Variants in ABCA1 observed in about 807,000 individuals in gnomAD.
The protein encoded by ABCA1 is ATP binding cassette subfamily A member 1.
A neutral mutation model predicts 262.5 loss-of-function variants in ABCA1; 133 were observed. The ratio of observed to expected loss-of-function variants is 0.51; its 90% CI spans 0.44 to 0.59. ABCA1 has a LOEUF of 0.59. ABCA1 is among the 20% of genes least tolerant of loss of function. The probability of loss-of-function intolerance (pLI) is 0.00; values close to 1 mark genes in which losing one functional copy is unlikely to be tolerated. For synonymous variants in ABCA1, 1,022 were observed against 1,043.5 expected, an observed-to-expected ratio of 0.98 and a Z score of 0.40; for missense variants, 2,452 against 2,777.5, an observed-to-expected ratio of 0.88 and a Z score of 2.63.
chr9:104,900,297 G>A lies in ABCA1; in HGVS notation c.66+3317C>T, dbSNP rs1840561331. ...AGACCTGCAAACTAATGGGCCTTAAGACATTTCCCACTCATTCAGTAAATA... is the reference window on the plus strand; with the variant it reads ...AGACCTGCAAACTAATGGGCCTTAAAACATTTCCCACTCATTCAGTAAATA... On this transcript the variant is annotated intron_variant, in intron 2 of 49. Coordinates refer to ENST00000374736, the MANE Select transcript of ABCA1 (RefSeq NM_005502.4). 2.6e-5 allele frequency among the ~76,000 whole-genome samples: 4 copies of A among 152,172 alleles called. No individual in the cohort carries two copies. In the South Asian group the frequency reaches 8.3e-4, roughly 32 times the overall value.
In ABCA1 at chr9:104,824,449, G is replaced by C; in HGVS notation, c.2656+16C>G. ...GCACTAGGTTAAAGAAAGAGCAGGAGGTCAACAGCACTTACTTTCTGATAT... is the reference window on the plus strand; with the variant it reads ...GCACTAGGTTAAAGAAAGAGCAGGACGTCAACAGCACTTACTTTCTGATAT... On this transcript the variant is annotated intron_variant, in intron 18 of 49. Coordinates refer to ENST00000374736, the MANE Select transcript of ABCA1 (RefSeq NM_005502.4). 6.2e-7 allele frequency: 1 copy of C among 1,613,974 alleles called. No homozygotes were observed. The highest frequency in any genetic ancestry group is 8.5e-7 in the Non-Finnish European group (1 of 1,179,934).
intron 11 of ABCA1, 92 bp from the exon 12 acceptor site, chr9:104,832,863 C>A: frequency 8.2e-7 from 1 of 1,216,104 alleles, no homozygotes; most frequent in South Asian, 1.2e-5. Context: ...TATACACTGT[C>A]GTTGTTTTAT....
chr9:104,800,446 T>C, intron 35 of ABCA1, 64 bp downstream of exon 35: 1 of 1,494,752 alleles, frequency 6.7e-7, no homozygotes, highest in African/African-American at 1.4e-5. Context: ...GAGTTGAAAG[T>C]ACTCCAGGAA....
At chr9:104,804,800 C>T in intron 31 of ABCA1, 80 bp from the exon 32 acceptor site, 1 of 1,235,572 alleles carries the variant, frequency 8.1e-7, no homozygotes, top group African/African-American at 1.5e-5. Context: ...ACAACAGTGA[C>T]CATGTCCACA....
intron 30 of ABCA1, among the ~76,000 whole-genome samples, chr9:104,807,867 C>T: frequency 6.9e-6 from 1 of 145,428 alleles, no homozygotes; most frequent in Admixed American, 6.8e-5. Flanking sequence ...CACACACACA[C>T]ACACACACAT....
chr9:104,926,705 G>T (rs1411844422), intron 1 of ABCA1, among the ~76,000 whole-genome samples: 1 of 152,192 alleles, frequency 6.6e-6, no homozygotes, highest in Non-Finnish European at 1.5e-5. Flanking sequence ...CCCCGCGGCG[G>T]AGCTCCGAGT....
At chr9:104,843,126 T>A (rs1304574298) in intron 8 of ABCA1, among the ~76,000 whole-genome samples, 1 of 152,222 alleles carries the variant, frequency 6.6e-6, no homozygotes, top group Non-Finnish European at 1.5e-5. Context: ...TCATGCTCTA[T>A]GCCCCTTACC....
At chr9:104,909,063 C>T (rs932259163) in intron 1 of ABCA1, among the ~76,000 whole-genome samples, 4 of 152,198 alleles carry the variant, frequency 2.6e-5, no homozygotes, top group African/African-American at 9.7e-5. Flanking sequence ...CAAGTCATAA[C>T]TTGGAAGACC....
chr9:104,926,903 G>A (rs1036724572), intron 1 of ABCA1, among the ~76,000 whole-genome samples: 2 of 152,170 alleles, frequency 1.3e-5, no homozygotes, highest in African/African-American at 2.4e-5. Context: ...GCTCTCCTAA[G>A]TCTTGTTTTT....
Position 104,903,616 on chromosome 9 carries a change from T to C in ABCA1, c.64A>G (p.Thr22Ala). The C allele has an allele frequency of 6.3e-7, 1 of 1,586,268 alleles. No individual in the cohort carries two copies. ...GCTGCTGAAAAACCCAAGCTTACTG[T>C]TTGTCTTCTTCTGAAAGTGAGGTTC... The part of the protein sequence containing the change: ...WKNLTFRRRQ[T>A]CQLLLEVAWP... The change falls in exon 2 of 50, where the codon ACA (threonine) becomes GCA (alanine). Residue 22 changes from threonine (T) to alanine (A), a missense_variant and splice_region_variant. By Grantham distance (58) the Thr-to-Ala change is moderately conservative. Around this residue, in one of 4 missense-constraint regions of ABCA1, gnomAD observed 1,032 missense variants for 1,089.7 expected, o/e 0.95. Coordinates refer to ENST00000374736, the MANE Select transcript of ABCA1 (RefSeq NM_005502.4).
intron 6 of ABCA1, among the ~76,000 whole-genome samples, chr9:104,860,122 C>T (rs1190273197): frequency 1.3e-5 from 2 of 151,700 alleles, no homozygotes; most frequent in Non-Finnish European, 2.9e-5. Context: ...TGCCTCTGCC[C>T]AATCATGCTT....
intron 28 of ABCA1, among the ~76,000 whole-genome samples, chr9:104,812,178 T>G (rs1831335698): frequency 6.6e-6 from 1 of 152,160 alleles, no homozygotes; most frequent in African/African-American, 2.4e-5. Flanking sequence ...GCATAACAAC[T>G]CTCATGTTAT....
chr9:104,793,238 C>T lies in ABCA1; in HGVS notation c.5569G>A (p.Ala1857Thr), dbSNP rs1340068224. Residue 1857 changes from alanine (A) to threonine (T), a missense_variant, in exon 41 of 50, where the codon GCC becomes ACC. Ala to Thr is a moderately conservative substitution (Grantham distance 58). This residue lies in a region of ABCA1 where 752 missense variants were observed against 944.5 expected (regional missense o/e 0.80). Coordinates refer to ENST00000374736, the MANE Select transcript of ABCA1 (RefSeq NM_005502.4). The part of the protein sequence containing the change: ...DLVGRNLFAM[A>T]VEGVVFFLIT... ...AGGAAGAACACCACCCCTTCCACGG[C>T]CATGGCGAAGAGGTTTCGTCCCACC... 6.2e-7 allele frequency: 1 copy of T among 1,614,092 alleles called. No individual in the cohort carries two copies.
chr9:104,850,074 G>A (rs1280138689), intron 7 of ABCA1, among the ~76,000 whole-genome samples: 1 of 152,168 alleles, frequency 6.6e-6, no homozygotes. Flanking sequence ...AATAGAACCT[G>A]GAGTCAGCAC....
At position 104,817,517 on chromosome 9, in the gene ABCA1, A is replaced by G; in HGVS notation, c.3463-113T>C. The G allele has an allele frequency of 8.5e-7, 1 of 1,180,534 alleles. No homozygotes were observed. The highest frequency in any genetic ancestry group is 1.2e-6 in the Non-Finnish European group (1 of 809,394). The allele number at this position is 1,180,534 out of a possible 1,614,324, so 73.1% of individuals were successfully genotyped here. On this transcript the variant is annotated intron_variant, in intron 23 of 49. Coordinates refer to ENST00000374736, the MANE Select transcript of ABCA1 (RefSeq NM_005502.4). This position sits in a 1 kb window ranked among gnomAD's most constrained non-coding sequence, Gnocchi z 4.7. ...CTCTGTTGTGTGAGAACTAAAGGAA[A>G]AAGCTTTCCCTGGGACACATGCACT...
At chr9:104,924,980 G>A (rs55737841) in intron 1 of ABCA1, among the ~76,000 whole-genome samples, 19,806 of 152,222 alleles carry the variant, frequency 0.13, 1,499 homozygotes, top group Admixed American at 0.24. Context: ...GGACTTCCTT[G>A]AGCAGAAGGA....
At chr9:104,787,102 G>A (rs1410359412) in intron 46 of ABCA1, 126 bp from the exon 47 acceptor site, 1 of 725,464 alleles carries the variant, frequency 1.4e-6, no homozygotes, top group East Asian at 2.7e-5. Flanking sequence ...GTTATTTCTT[G>A]ATGAATCAAA....
Position 104,822,932 on chromosome 9 carries a change from C to T in ABCA1, c.2657-265G>A, listed in dbSNP as rs112853430. 0.063 allele frequency among the ~76,000 whole-genome samples: 9,516 copies of T among 152,120 alleles called. 388 individuals are homozygous for T. Among genetic ancestry groups the T allele is most frequent in the Middle Eastern group, 0.13 (37 of 294 alleles). ...CAATTAAAATAGAGGATGCTGAAAG[C>T]TGTTTAAAAAATACATCTAAAAATG... On this transcript the variant is annotated intron_variant, in intron 18 of 49. Transcript: ENST00000374736.
chr9:104,883,014 G>A lies in ABCA1; in HGVS notation c.421+25C>T, dbSNP rs143894099. Reference sequence around the variant, plus strand: ...TGCAGGTCAATTTCCAATTATAAACGGATGCAGAGAAGGTTTTTACTTACT... The same window carrying A: ...TGCAGGTCAATTTCCAATTATAAACAGATGCAGAGAAGGTTTTTACTTACT... On this transcript the variant is annotated intron_variant, in intron 5 of 49. Coordinates refer to ENST00000374736, the MANE Select transcript of ABCA1 (RefSeq NM_005502.4). 2,368 of 1,568,616 alleles carry A rather than the reference G, an allele frequency of 1.5e-3. 17 individuals carry two copies. In the African/African-American group the frequency reaches 0.025, roughly 17 times the overall value.
Sources: gnomAD v4.1 joint callset for allele counts (sites outside exome capture counted in the v4.1 genomes callset) on GRCh38, gnomAD v4.1.1 for gene constraint, gnomAD v4.1.1 regional missense constraint, Gnocchi (gnomAD v3.1) non-coding constraint, MANE v1.5 for transcripts, NCBI Gene and HGNC (gene_info 2026-07-23, HGNC 2026-07-21) for gene names.